LSAMP: variants seen among roughly 807,000 people sequenced by gnomAD.
LSAMP encodes the protein limbic system associated membrane protein.
In LSAMP, 7 loss-of-function variants were observed where a neutral mutation model predicts 38.6. That is an observed-to-expected ratio of 0.18 (90% confidence interval 0.10 to 0.34). The LOEUF (loss-of-function observed/expected upper bound fraction) is 0.34. Ranked by LOEUF, LSAMP falls within the 10% of genes least tolerant of loss-of-function variation. The probability of loss-of-function intolerance (pLI) is 1.00; values close to 1 mark genes in which losing one functional copy is unlikely to be tolerated. For missense variants in LSAMP, 313 were observed against 420.0 expected, an observed-to-expected ratio of 0.75 and a Z score of 2.23; for synonymous variants, 154 against 166.8, an observed-to-expected ratio of 0.92 and a Z score of 0.59.
intron 3 of LSAMP, among the ~76,000 whole-genome samples, chr3:115,903,163 A>G (rs1226375214): frequency 6.6e-6 from 1 of 152,224 alleles, no homozygotes; most frequent in Non-Finnish European, 1.5e-5. Flanking sequence ...AGCCATAAAA[A>G]GGAATGAGAT....
chr3:115,803,757 A>G lies in LSAMP; in HGVS notation c.*6560T>C, dbSNP rs1437988434. ...ACTTATCCCATGAGAAATTCCTTCC[A>G]AAACAAAATGTATTGTCTTGCCCAT... On this transcript the variant is annotated 3_prime_UTR_variant, in exon 7 of 7. Transcript: ENST00000490035. 1 of 152,188 alleles carries G rather than the reference A, an allele frequency of 6.6e-6. No individual in the cohort carries two copies. Among genetic ancestry groups the G allele is most frequent in the Non-Finnish European group, 1.5e-5 (1 of 68,030 alleles). The allele number at this position is 152,188 out of a possible 1,614,324, so 9.4% of individuals were successfully genotyped here.
At chr3:116,288,273 C>T (rs2047217991) in intron 1 of LSAMP, among the ~76,000 whole-genome samples, 1 of 152,200 alleles carries the variant, frequency 6.6e-6, no homozygotes, top group African/African-American at 2.4e-5. Flanking sequence ...TGCCCATTCA[C>T]ATCTGCTGCT....
intron 1 of LSAMP, among the ~76,000 whole-genome samples, chr3:116,326,549 G>C (rs2047776002): frequency 6.6e-6 from 1 of 152,126 alleles, no homozygotes; most frequent in African/African-American, 2.4e-5. Flanking sequence ...CCAGCTTGGA[G>C]AGCAACCTGA....
chr3:116,325,207 C>T (rs2047754337), intron 1 of LSAMP, among the ~76,000 whole-genome samples: 1 of 151,778 alleles, frequency 6.6e-6, no homozygotes, highest in Admixed American at 6.6e-5. Flanking sequence ...CAGGCATGAT[C>T]ATAGTGCACT....
chr3:115,844,389 T>C (rs1935091996), intron 4 of LSAMP, among the ~76,000 whole-genome samples: 1 of 152,324 alleles, frequency 6.6e-6, no homozygotes, highest in South Asian at 2.1e-4. Flanking sequence ...TGGGAAAACA[T>C]CTGTACCAGT....
chr3:115,837,293 ATTTTTTTT>A (rs34754406), intron 6 of LSAMP, among the ~76,000 whole-genome samples: 1 of 149,778 alleles, frequency 6.7e-6, no homozygotes, highest in African/African-American at 2.5e-5. Flanking sequence ...CCCAGTGTAG[ATTTTTTTT>A]TTTGTATTTT....
intron 2 of LSAMP, among the ~76,000 whole-genome samples, chr3:116,074,458 T>C (rs1345477658): frequency 6.6e-6 from 1 of 152,222 alleles, no homozygotes; most frequent in East Asian, 1.9e-4. Context: ...AATGACCACT[T>C]TGCCCAAAAC....
Position 116,208,722 on chromosome 3 carries a change from G to T in LSAMP, c.156-122166C>A, listed in dbSNP as rs542048645. ...CCCAGTTAGGCTGCTCGGGGGTCAG[G>T]GGTCAGGGACCCACTTGAGGAGGCT... On this transcript the variant is annotated intron_variant, in intron 1 of 6. Transcript: ENST00000490035. 5.4e-5 allele frequency among the ~76,000 whole-genome samples: 7 copies of T among 128,794 alleles called. No individual in the cohort carries two copies. In the South Asian group the frequency reaches 1.8e-3, roughly 33 times the overall value. 84.5% of individuals were successfully genotyped at this position (128,794 alleles called of 152,430 possible).
chr3:116,193,149 AGGTT>A, intron 1 of LSAMP, among the ~76,000 whole-genome samples: 1 of 152,360 alleles, frequency 6.6e-6, no homozygotes, highest in East Asian at 1.9e-4. Context: ...CATGAGTTAA[AGGTT>A]TTACAAATTT....
chr3:116,332,809 T>A (rs2047867887), intron 1 of LSAMP, among the ~76,000 whole-genome samples: 1 of 151,908 alleles, frequency 6.6e-6, no homozygotes, highest in Admixed American at 6.6e-5. Flanking sequence ...ATATATTCCA[T>A]GAAAATAGTA....
At chr3:115,975,939 C>T (rs1423911165) in intron 3 of LSAMP, among the ~76,000 whole-genome samples, 1 of 152,176 alleles carries the variant, frequency 6.6e-6, no homozygotes, top group African/African-American at 2.4e-5. Context: ...TACCATTCTC[C>T]CAGTCACTAC....
chr3:116,141,953 G>A (rs1188917086), intron 1 of LSAMP, among the ~76,000 whole-genome samples: 1 of 151,974 alleles, frequency 6.6e-6, no homozygotes, highest in Non-Finnish European at 1.5e-5. Flanking sequence ...AACATTAGCA[G>A]CAGCTGATGA....
At chr3:115,926,390 C>A (rs959899248) in intron 3 of LSAMP, among the ~76,000 whole-genome samples, 6 of 152,194 alleles carry the variant, frequency 3.9e-5, no homozygotes, top group Admixed American at 3.3e-4. Context: ...CAGGAAATCA[C>A]ACGGAAATGG....
chr3:116,121,833 G>A (rs1708881943), intron 1 of LSAMP, among the ~76,000 whole-genome samples: 1 of 151,684 alleles, frequency 6.6e-6, no homozygotes, highest in Non-Finnish European at 1.5e-5. Flanking sequence ...CTTTGAATGT[G>A]GCCCAAAACA....
At chr3:116,378,466 G>T (rs1196437609) in intron 1 of LSAMP, among the ~76,000 whole-genome samples, 2 of 152,064 alleles carry the variant, frequency 1.3e-5, no homozygotes, top group Non-Finnish European at 1.5e-5. Context: ...AAGAGTTTAG[G>T]TTCCAGTGTA....
At chr3:115,872,024 T>G (rs1448632186) in intron 3 of LSAMP, among the ~76,000 whole-genome samples, 1 of 152,140 alleles carries the variant, frequency 6.6e-6, no homozygotes, top group Non-Finnish European at 1.5e-5. Flanking sequence ...AATATTCATG[T>G]CTAGTTGTCA....
At chr3:115,959,121 C>T (rs1047407902) in intron 3 of LSAMP, among the ~76,000 whole-genome samples, 1 of 152,118 alleles carries the variant, frequency 6.6e-6, no homozygotes, top group Non-Finnish European at 1.5e-5. Context: ...CTGCAATATT[C>T]TATGTTCTTA....
intron 1 of LSAMP, among the ~76,000 whole-genome samples, chr3:116,357,511 T>C (rs2048241824): frequency 6.6e-6 from 1 of 152,132 alleles, no homozygotes; most frequent in Non-Finnish European, 1.5e-5. Context: ...TTAAATAATA[T>C]AATTTAAAAC....
chr3:116,074,659 C>T (rs908957714), intron 2 of LSAMP, among the ~76,000 whole-genome samples: 1 of 152,086 alleles, frequency 6.6e-6, no homozygotes, highest in Non-Finnish European at 1.5e-5. Context: ...CTCTGGCTAT[C>T]CTCATTTTGT....
Sources: allele counts gnomAD v4.1 joint callset (sites outside exome capture counted in the v4.1 genomes callset), GRCh38; gene constraint gnomAD v4.1.1; transcripts MANE v1.5; gene names NCBI Gene and HGNC (gene_info 2026-07-23, HGNC 2026-07-21).